NPHP4: variants seen among roughly 807,000 people sequenced by gnomAD.
NPHP4 encodes the protein nephrocystin 4.
NPHP4 carries 151 observed loss-of-function variants against 155.8 expected under a neutral mutation model. That is an observed-to-expected ratio of 0.97 (90% confidence interval 0.85 to 1.11). The LOEUF (loss-of-function observed/expected upper bound fraction) is 1.11, where lower values mean the gene tolerates loss of function less well. Ranked by LOEUF, NPHP4 falls within the 50% of genes least tolerant of loss-of-function variation. NPHP4 has a pLI of 0.00. For missense variants in NPHP4, 1,956 were observed against 1,925.7 expected, an observed-to-expected ratio of 1.02 and a Z score of -0.29; for synonymous variants, 845 against 816.8, an observed-to-expected ratio of 1.03 and a Z score of -0.59.
chr1:5,963,654 C>T (rs1460206556), intron 5 of NPHP4, among the ~76,000 whole-genome samples: 9 of 151,370 alleles, frequency 5.9e-5, no homozygotes, highest in Non-Finnish European at 1.3e-4. Flanking sequence ...GAAGGGCGGA[C>T]GCCCACTGCA....
At chr1:5,991,880 A>T (rs1307987509) in intron 1 of NPHP4, among the ~76,000 whole-genome samples, 1 of 138,640 alleles carries the variant, frequency 7.2e-6, no homozygotes, top group Admixed American at 7.4e-5. Flanking sequence ...GGCCCAGAAC[A>T]TCGGTACCGC....
rs368557654 is a variant in NPHP4 at position 5,931,564 on chromosome 1, T to C, written c.1302+1583A>G. On this transcript the variant is annotated intron_variant, in intron 10 of 29. Transcript: ENST00000378156. ...GCCTGGCCAACATGATGAAACCCCA[T>C]CTCTACTAAAAATATAAAAATTAGC... Among the ~76,000 whole-genome samples the C allele has an allele frequency of 1.3e-4, 20 of 151,692 alleles. No individual in the cohort carries two copies. The East Asian group carries it at 1.9e-3, about 15-fold the overall frequency.
At chr1:5,888,585 G>A (rs780796692) in intron 17 of NPHP4, 1 of 1,351,420 alleles carries the variant, frequency 7.4e-7, no homozygotes. Flanking sequence ...CAGTCACTGG[G>A]AGACTGAGAA....
chr1:5,869,991 T>C (rs1305507350), intron 23 of NPHP4, among the ~76,000 whole-genome samples: 62 of 152,232 alleles, frequency 4.1e-4, no homozygotes, highest in Non-Finnish European at 2.9e-5. Flanking sequence ...ATATGCATGA[T>C]ATGCACATAT....
At position 5,961,790 on chromosome 1, in the gene NPHP4, T is replaced by C; in HGVS notation, c.673+4A>G. 1 of 1,609,954 alleles carries C rather than the reference T, an allele frequency of 6.2e-7. No individual in the cohort carries two copies. Among genetic ancestry groups the C allele is most frequent in the South Asian group, 1.1e-5 (1 of 90,176 alleles). ...CAAGTGGAGAGAATCAAAGACGCCCTTACCGGATTCTCCATGAGCTGGAAG... is the reference window on the plus strand; with the variant it reads ...CAAGTGGAGAGAATCAAAGACGCCCCTACCGGATTCTCCATGAGCTGGAAG... On this transcript the variant is annotated splice_donor_region_variant and intron_variant, in intron 6 of 29. Coordinates refer to ENST00000378156, the MANE Select transcript of NPHP4 (RefSeq NM_015102.5).
At chr1:5,866,497 C>T (rs755599152) in intron 25 of NPHP4, 39 bp from the exon 26 acceptor site, 6 of 1,250,048 alleles carry the variant, frequency 4.8e-6, no homozygotes, top group South Asian at 3.8e-5. Context: ...GCACACAGTG[C>T]TCTGCCGACC....
chr1:5,877,223 C>T lies in NPHP4; in HGVS notation c.2687G>A (p.Arg896Gln), dbSNP rs372438267. Residue 896 changes from arginine to glutamine, a missense_variant, in exon 20 of 30, where the codon CGG becomes CAG. Coordinates refer to ENST00000378156, the MANE Select transcript of NPHP4 (RefSeq NM_015102.5). ...GACGTCCTGGGGCCCCTTGCCCTGC[C>T]GGGCATGGGTCAGTAGCATGGCAGC... ...ELAAMLLTHA[R>Q]QGKGPQDVSR... 7.5e-5 allele frequency: 120 copies of T among 1,607,906 alleles called. No homozygotes were observed. In the Admixed American group the frequency reaches 9.6e-4, roughly 13 times the overall value.
Position 5,905,232 on chromosome 1 carries a change from T to C in NPHP4, c.1955+60A>G. 2 of 1,402,112 alleles carry C rather than the reference T, an allele frequency of 1.4e-6. No homozygotes were observed. The highest frequency in any genetic ancestry group is 2.0e-6 in the Non-Finnish European group (2 of 987,138). The allele number at this position is 1,402,112 out of a possible 1,614,324, so 86.9% of individuals were successfully genotyped here. ...CTGCCAGGTCAGAACCTCAGCGAAG[T>C]TTCTCTTCAACACAGGAAATGTGAA... is the stretch of plus-strand genomic sequence containing the variant. On this transcript the variant is annotated intron_variant, in intron 15 of 29. Transcript: ENST00000378156. This position sits in a 1 kb window ranked among gnomAD's most constrained non-coding sequence, Gnocchi z 4.0.
At chr1:5,924,723 C>T (rs1322102053) in intron 11 of NPHP4, among the ~76,000 whole-genome samples, 2 of 152,128 alleles carry the variant, frequency 1.3e-5, no homozygotes, top group Admixed American at 6.5e-5. Context: ...GGCGTAATCA[C>T]GGCTCACTGC....
At position 5,916,950 on chromosome 1, in the gene NPHP4, C is replaced by A. The variant is rs1010554395; in HGVS notation, c.1442-7737G>T. Among the ~76,000 whole-genome samples the A allele has an allele frequency of 1.6e-4, 25 of 152,350 alleles. No individual in the cohort carries two copies. The Middle Eastern group carries it at 0.017, about 104-fold the overall frequency. ...CAGGAACTACTCAAGTCTATGCATT[C>A]ACTGACGGCAAAATGCAAGAATAGC... On this transcript the variant is annotated intron_variant, in intron 11 of 29. Coordinates refer to ENST00000378156, the MANE Select transcript of NPHP4 (RefSeq NM_015102.5).
At chr1:5,895,575 C>T (rs1387328068) in intron 16 of NPHP4, among the ~76,000 whole-genome samples, 5 of 152,090 alleles carry the variant, frequency 3.3e-5, no homozygotes. Context: ...GTAAAAATAC[C>T]ACCCGTTAAC....
intron 4 of NPHP4, among the ~76,000 whole-genome samples, chr1:5,968,809 G>A (rs1012877588): frequency 1.3e-5 from 2 of 152,092 alleles, no homozygotes; most frequent in African/African-American, 2.4e-5. Flanking sequence ...GGTAGCAGGT[G>A]CATCACTTGA....
intron 3 of NPHP4, 37 bp from the exon 4 acceptor site, chr1:5,969,296 A>C (rs2102255716): frequency 6.9e-7 from 1 of 1,444,078 alleles, no homozygotes; most frequent in Non-Finnish European, 9.3e-7. Flanking sequence ...CTGAGTGTTC[A>C]GGACACACAC....
Position 5,863,983 on chromosome 1 carries a change from C to G in NPHP4, c.4047G>C (p.Arg1349Ser). Residue 1349 changes from arginine to serine, a missense_variant, in exon 29 of 30, where the codon AGG becomes AGC. By Grantham distance (110) the Arg-to-Ser change is moderately radical. Coordinates refer to ENST00000378156, the MANE Select transcript of NPHP4 (RefSeq NM_015102.5). Reference protein sequence around the residue: ...AAGEGKGVNKRITYTNPYPSR... With the variant: ...AAGEGKGVNKSITYTNPYPSR... Reference sequence around the variant, plus strand: ...AGGGGTAGGGGTTGGTGTAGGTGATCCTCTTGTTGACACCCTTCCCTTCGC... The same window carrying G: ...AGGGGTAGGGGTTGGTGTAGGTGATGCTCTTGTTGACACCCTTCCCTTCGC... 1 of 1,613,760 alleles carries G rather than the reference C, an allele frequency of 6.2e-7. No homozygotes were observed.
At chr1:5,978,572 G>C (rs960015596) in intron 2 of NPHP4, among the ~76,000 whole-genome samples, 159 bp from the exon 3 acceptor site, 1 of 152,066 alleles carries the variant, frequency 6.6e-6, no homozygotes, top group African/African-American at 2.4e-5. Context: ...TACTGGTCTT[G>C]GTGGGGTTAT....
rs1651715298 is a variant in NPHP4, at chr1:5,967,358, C to T, written c.458G>A (p.Arg153Gln). ...PISASQDKRL[R>Q]LYHGTPRALL... ...GGCTCTGGGGGTGCCATGGTACAGC[C>T]GCAACCTGGAAGACAGGACCCAGAG... Residue 153 changes from arginine to glutamine, a missense_variant, in exon 5 of 30, where the codon CGG (arginine) becomes CAG (glutamine). Coordinates refer to ENST00000378156, the MANE Select transcript of NPHP4 (RefSeq NM_015102.5). 8 of 1,605,792 alleles carry T rather than the reference C, an allele frequency of 5.0e-6. No homozygotes were observed. Among genetic ancestry groups the T allele is most frequent in the Non-Finnish European group, 6.8e-6 (8 of 1,176,710 alleles).
chr1:5,988,951 C>A (rs112161683), intron 1 of NPHP4, among the ~76,000 whole-genome samples: 14 of 152,198 alleles, frequency 9.2e-5, no homozygotes, highest in African/African-American at 2.7e-4. Context: ...CCAGCAGGCA[C>A]ACATGCTGGT....
intron 11 of NPHP4, among the ~76,000 whole-genome samples, chr1:5,913,195 G>A (rs887385232): frequency 2.0e-5 from 3 of 150,322 alleles, no homozygotes; most frequent in South Asian, 2.1e-4. Context: ...GCTCTTCCAC[G>A]GCTGCTCCAA....
chr1:5,975,613 G>T (rs11586319), intron 3 of NPHP4, among the ~76,000 whole-genome samples: 1 of 152,158 alleles, frequency 6.6e-6, no homozygotes, highest in African/African-American at 2.4e-5. Context: ...GCTGAGCCAC[G>T]TGGCTCCCAC....
Sources: allele counts gnomAD v4.1 joint callset (sites outside exome capture counted in the v4.1 genomes callset), GRCh38; gene constraint gnomAD v4.1.1; non-coding constraint Gnocchi (gnomAD v3.1); transcripts MANE v1.5; gene names NCBI Gene and HGNC (gene_info 2026-07-23, HGNC 2026-07-21).